RBFOX1: variants seen among roughly 807,000 people sequenced by gnomAD.
RBFOX1 encodes RNA binding fox-1 homolog 1.
In RBFOX1, 8 loss-of-function variants were observed where a neutral mutation model predicts 57.7. The ratio of observed to expected loss-of-function variants is 0.14; its 90% CI spans 0.08 to 0.25. The LOEUF (loss-of-function observed/expected upper bound fraction) is 0.25. RBFOX1 is among the 10% of genes least tolerant of loss of function. The probability of loss-of-function intolerance (pLI) is 1.00; values close to 1 mark genes in which losing one functional copy is unlikely to be tolerated. For missense variants in RBFOX1, 611 were observed against 548.5 expected, an observed-to-expected ratio of 1.11 and a Z score of -1.14; for synonymous variants, 326 against 222.4, an observed-to-expected ratio of 1.47 and a Z score of -4.15.
chr16:5,959,894 G>A (rs1227140237), intron 4 of RBFOX1, among the ~76,000 whole-genome samples: 4 of 152,182 alleles, frequency 2.6e-5, no homozygotes, highest in African/African-American at 9.7e-5. Context: ...CTACCAACAA[G>A]TGTTTTTGAA....
chr16:6,593,331 T>A (rs1254317856), intron 2 of RBFOX1, among the ~76,000 whole-genome samples: 7 of 152,306 alleles, frequency 4.6e-5, no homozygotes, highest in African/African-American at 1.7e-4. Flanking sequence ...TTATAATCAG[T>A]TCAGGCACTA....
At chr16:5,326,263 C>T (rs1188581472) in intron 1 of RBFOX1, among the ~76,000 whole-genome samples, 1 of 152,172 alleles carries the variant, frequency 6.6e-6, no homozygotes, top group African/African-American at 2.4e-5. Context: ...ATGTGGCTAG[C>T]AGAGCCTCAA....
chr16:5,422,710 G>A (rs1238176687), intron 1 of RBFOX1, among the ~76,000 whole-genome samples: 1 of 131,410 alleles, frequency 7.6e-6, no homozygotes, highest in Non-Finnish European at 1.6e-5. Flanking sequence ...GGAGGAAAGA[G>A]AAAGAGGAGG....
At chr16:7,564,552 AAAAAAAAAAAAAAAAAG>A (rs2091236962) in intron 5 of RBFOX1, among the ~76,000 whole-genome samples, 1 of 81,494 alleles carries the variant, frequency 1.2e-5, no homozygotes, top group Non-Finnish European at 4.0e-5. Context: ...AAAAAAAAAA[AAAAAAAAAAAAAAAAAG>A]GCACTCATCT....
Position 6,703,701 on chromosome 16 carries a change from A to C in RBFOX1, c.-16+49051A>C, listed in dbSNP as rs140607558. ...CAGCCTGGATGACACAGTTAGACCCAGTTTCAAAAGAAAAAAAAGAAAAGA... is the reference window on the plus strand; with the variant it reads ...CAGCCTGGATGACACAGTTAGACCCCGTTTCAAAAGAAAAAAAAGAAAAGA... On this transcript the variant is annotated intron_variant, in intron 3 of 15. Transcript: ENST00000550418. 1.9e-3 allele frequency among the ~76,000 whole-genome samples: 283 copies of C among 152,112 alleles called. 2 individuals carry two copies. The highest frequency in any genetic ancestry group is 6.3e-3 in the African/African-American group (262 of 41,512).
At chr16:7,558,651 G>C (rs2089479234) in intron 5 of RBFOX1, among the ~76,000 whole-genome samples, 1 of 152,088 alleles carries the variant, frequency 6.6e-6, no homozygotes, top group Non-Finnish European at 1.5e-5. Flanking sequence ...GTTAGCAACT[G>C]GCTTTCAGAA....
chr16:7,087,234 A>T (rs1372385775), intron 4 of RBFOX1, among the ~76,000 whole-genome samples: 1 of 152,110 alleles, frequency 6.6e-6, no homozygotes, highest in Admixed American at 6.5e-5. Flanking sequence ...AAATTCTCAG[A>T]TGCTGGCCTC....
intron 2 of RBFOX1, among the ~76,000 whole-genome samples, chr16:6,510,186 A>G (rs2096222809): frequency 6.6e-6 from 1 of 152,166 alleles, no homozygotes; most frequent in South Asian, 2.1e-4. Context: ...CTTCCTCATT[A>G]TAAAGATTTA....
intron 1 of RBFOX1, among the ~76,000 whole-genome samples, chr16:6,108,450 C>CTCCCTGT (rs2096407804): frequency 6.6e-6 from 1 of 152,170 alleles, no homozygotes; most frequent in Non-Finnish European, 1.5e-5. Context: ...GCCTGTCACA[C>CTCCCTGT]AGTAAATGCT....
At chr16:6,683,514 C>CTA (rs961994534) in intron 3 of RBFOX1, among the ~76,000 whole-genome samples, 4 of 151,962 alleles carry the variant, frequency 2.6e-5, no homozygotes, top group East Asian at 3.9e-4. Context: ...ATAAACAAAA[C>CTA]TATATATATA....
intron 4 of RBFOX1, among the ~76,000 whole-genome samples, chr16:7,200,480 G>T (rs117800961): frequency 1.3e-5 from 2 of 152,328 alleles, no homozygotes; most frequent in East Asian, 3.9e-4. Context: ...AGACACTGCA[G>T]TAGGCACTAA....
At chr16:6,438,363 C>T (rs28716226) in intron 2 of RBFOX1, among the ~76,000 whole-genome samples, 503 of 152,182 alleles carry the variant, frequency 3.3e-3, no homozygotes, top group African/African-American at 0.012. Context: ...TCTGGCCAGG[C>T]CACTTACCTA....
chr16:5,268,639 C>T (rs2062923040), intron 1 of RBFOX1, among the ~76,000 whole-genome samples: 1 of 152,194 alleles, frequency 6.6e-6, no homozygotes, highest in Non-Finnish European at 1.5e-5. Flanking sequence ...GAGCCATGTG[C>T]ACTAGAGACC....
chr16:6,091,686 C>T (rs1254474248), intron 1 of RBFOX1, among the ~76,000 whole-genome samples: 1 of 152,050 alleles, frequency 6.6e-6, no homozygotes, highest in Non-Finnish European at 1.5e-5. Flanking sequence ...AAAAATTAGC[C>T]AGGTGTGGTG....
At chr16:6,709,846 C>G (rs766677177) in intron 3 of RBFOX1, among the ~76,000 whole-genome samples, 10 of 152,120 alleles carry the variant, frequency 6.6e-5, no homozygotes, top group Non-Finnish European at 1.5e-4. Flanking sequence ...GGCTGGTACA[C>G]AACCGGAAGG....
In RBFOX1 at chr16:7,712,533, ACG is replaced by A. The variant is rs2084153253; in HGVS notation, c.*1789_*1790del. 6.6e-6 allele frequency: 1 copy of A among 152,630 alleles called. No homozygotes were observed. Among genetic ancestry groups the A allele is most frequent in the Non-Finnish European group, 1.5e-5 (1 of 68,058 alleles). 9.5% of individuals were successfully genotyped at this position (152,630 alleles called of 1,614,324 possible). Reference sequence around the variant, plus strand: ...TCTGTAGCTTCGATACCTAAGACAGACGATAGTGATCTTGAAAAGAGAAAAGG... The same window carrying A: ...TCTGTAGCTTCGATACCTAAGACAGAATAGTGATCTTGAAAAGAGAAAAGG... On this transcript the variant is annotated 3_prime_UTR_variant, in exon 16 of 16. Transcript: ENST00000550418.
chr16:6,132,987 A>T lies in RBFOX1; in HGVS notation c.-127+112995A>T, dbSNP rs545519500. ...CTCAAAAAAAAAAAAAAGAAAAGAA[A>T]AAAAAGACTATTGCTTTTCAAAAGG... On this transcript the variant is annotated intron_variant, in intron 1 of 15. Coordinates refer to ENST00000550418, the MANE Select transcript of RBFOX1 (RefSeq NM_018723.4). 7.9e-5 allele frequency among the ~76,000 whole-genome samples: 12 copies of T among 151,822 alleles called. No individual in the cohort carries two copies. The South Asian group carries it at 2.5e-3, about 31-fold the overall frequency.
At chr16:6,869,831 A>T (rs543539098) in intron 3 of RBFOX1, among the ~76,000 whole-genome samples, 2 of 152,274 alleles carry the variant, frequency 1.3e-5, no homozygotes, top group East Asian at 3.9e-4. Flanking sequence ...ACATGAGCTG[A>T]CTGCTTCACG....
Position 6,744,997 on chromosome 16 carries a change from A to G in RBFOX1, c.-16+90347A>G, listed in dbSNP as rs190771552. On this transcript the variant is annotated intron_variant, in intron 3 of 15. Transcript: ENST00000550418. ...TTACCAATATCAGTATAGAAAGAGG[A>G]GGCATCACTACAGACTCTATAGGTA... 2.5e-3 allele frequency among the ~76,000 whole-genome samples: 374 copies of G among 152,174 alleles called. 5 individuals are homozygous for G. The highest frequency in any genetic ancestry group is 0.017 in the Middle Eastern group (5 of 294).
Sources: gnomAD v4.1 joint callset for allele counts (sites outside exome capture counted in the v4.1 genomes callset) on GRCh38, gnomAD v4.1.1 for gene constraint, MANE v1.5 for transcripts, NCBI Gene and HGNC (gene_info 2026-07-23, HGNC 2026-07-21) for gene names.